JAKMIP1: variants seen among roughly 807,000 people sequenced by gnomAD.
The protein encoded by JAKMIP1 is janus kinase and microtubule interacting protein 1, also known as janus kinase and microtubule-interacting protein 1.
JAKMIP1 carries 33 observed loss-of-function variants against 113.0 expected under a neutral mutation model. The ratio of observed to expected loss-of-function variants is 0.29; its 90% confidence interval spans 0.22 to 0.39. The LOEUF (loss-of-function observed/expected upper bound fraction) is 0.39, where lower values mean the gene tolerates loss of function less well. Among genes scored for constraint, JAKMIP1 ranks in the 10% least tolerant of loss-of-function variants. The pLI is 1.00. For missense variants in JAKMIP1, 813 were observed against 1,080.5 expected, an observed-to-expected ratio of 0.75 and a Z score of 3.47; for synonymous variants, 480 against 459.9, an observed-to-expected ratio of 1.04 and a Z score of -0.56.
At chr4:6,091,668 C>G (rs1386178239) in intron 3 of JAKMIP1, among the ~76,000 whole-genome samples, 6 of 152,310 alleles carry the variant, frequency 3.9e-5, no homozygotes, top group East Asian at 3.9e-4. Context: ...AACACAAACC[C>G]ATGAACATAC....
chr4:6,060,325 C>T (rs1717083038), intron 11 of JAKMIP1, 99 bp downstream of exon 11: 2 of 882,546 alleles, frequency 2.3e-6, no homozygotes, highest in African/African-American at 1.6e-5. Context: ...CTGATCCAGC[C>T]CCACAGAATG....
chr4:6,172,775 A>T lies in JAKMIP1; in HGVS notation c.-148+27478T>A, dbSNP rs2109025807. On this transcript the variant is annotated intron_variant, in intron 1 of 20. Transcript: ENST00000409021. ...AGCTCATGTGGCATCCTTGCCCAAGATGCCCCACCCTGCCCAAGATGCCCC... is the reference window on the plus strand; with the variant it reads ...AGCTCATGTGGCATCCTTGCCCAAGTTGCCCCACCCTGCCCAAGATGCCCC... Among the ~76,000 whole-genome samples the T allele has an allele frequency of 1.3e-5, 2 of 152,210 alleles. 1 individual carries two copies. Among genetic ancestry groups the T allele is most frequent in the Middle Eastern group, 6.9e-3 (2 of 290 alleles).
Position 6,190,310 on chromosome 4 carries a change from A to G in JAKMIP1, c.-148+9943T>C, listed in dbSNP as rs189963760. Among the ~76,000 whole-genome samples the G allele has an allele frequency of 3.2e-4, 48 of 152,268 alleles. No individual in the cohort carries two copies. The East Asian group carries it at 8.7e-3, about 28-fold the overall frequency. On this transcript the variant is annotated intron_variant, in intron 1 of 20. Coordinates refer to ENST00000409021, the MANE Select transcript of JAKMIP1 (RefSeq NM_001099433.2). ...GCAGATTAACATATCTCTATCTAAC[A>G]TAGTTACACATGTTTTGTTGCAAGA...
intron 8 of JAKMIP1, among the ~76,000 whole-genome samples, chr4:6,074,637 T>C (rs959639002): frequency 2.6e-5 from 4 of 152,196 alleles, no homozygotes; most frequent in Non-Finnish European, 5.9e-5. Context: ...TGCTTGCATA[T>C]AACCTACGCA....
intron 1 of JAKMIP1, among the ~76,000 whole-genome samples, chr4:6,149,369 G>A (rs1489499705): frequency 1.3e-5 from 2 of 152,128 alleles, no homozygotes; most frequent in Non-Finnish European, 2.9e-5. Flanking sequence ...GAACTGCTTG[G>A]CCCAGGCCCA....
rs1158921046 is a variant in JAKMIP1 at position 6,078,825 on chromosome 4, T to C, written c.1302+114A>G. ...CTTTTCATCATCAGGCATGCAGAGA[T>C]GTGTGTGTCTGCTTCAGGACCCCTC... On this transcript the variant is annotated intron_variant, in intron 8 of 20. Coordinates refer to ENST00000409021, the MANE Select transcript of JAKMIP1 (RefSeq NM_001099433.2). 5.6e-6 allele frequency: 5 copies of C among 894,424 alleles called. No individual in the cohort carries two copies. The Admixed American group carries it at 9.5e-5, about 17-fold the overall frequency. 55.4% of individuals were successfully genotyped at this position (894,424 alleles called of 1,614,324 possible).
At chr4:6,110,350 A>G (rs1467156191) in intron 2 of JAKMIP1, among the ~76,000 whole-genome samples, 1 of 152,036 alleles carries the variant, frequency 6.6e-6, no homozygotes, top group Admixed American at 6.6e-5. Flanking sequence ...GAAGGAGCCA[A>G]TCCTGACACC....
At chr4:6,074,040 A>G (rs1578159242) in intron 8 of JAKMIP1, among the ~76,000 whole-genome samples, 1 of 152,258 alleles carries the variant, frequency 6.6e-6, no homozygotes, top group Admixed American at 6.5e-5. Context: ...TTCTCCTCCA[A>G]CCTCTCCTTT....
At chr4:6,195,616 C>T (rs1727751684) in intron 1 of JAKMIP1, among the ~76,000 whole-genome samples, 1 of 152,180 alleles carries the variant, frequency 6.6e-6, no homozygotes, top group Admixed American at 6.5e-5. Context: ...ACATGGGCTT[C>T]TTGGCTTCAA....
chr4:6,126,860 T>C (rs1408700875), intron 1 of JAKMIP1, among the ~76,000 whole-genome samples: 1 of 150,708 alleles, frequency 6.6e-6, no homozygotes, highest in African/African-American at 2.4e-5. Context: ...ATATGCATCA[T>C]ACAGAAACCC....
chr4:6,116,567 G>A lies in JAKMIP1; in HGVS notation c.-147-3570C>T, dbSNP rs1468835465. On this transcript the variant is annotated intron_variant, in intron 1 of 20. Transcript: ENST00000409021. This position sits in a 1 kb window ranked among gnomAD's most constrained non-coding sequence, Gnocchi z 5.1. ...CAAGGTTGGCAAATATTCATCTCCC[G>A]CAAACCAGTCCTGTTGGCCCCAGAA... Among the ~76,000 whole-genome samples, 28 of 152,236 alleles carry A rather than the reference G, an allele frequency of 1.8e-4. No individual in the cohort carries two copies. Among genetic ancestry groups the A allele is most frequent in the African/African-American group, 4.8e-5 (2 of 41,522 alleles).
chr4:6,095,351 A>C (rs1020380293), intron 3 of JAKMIP1, among the ~76,000 whole-genome samples: 1 of 152,010 alleles, frequency 6.6e-6, no homozygotes, highest in African/African-American at 2.4e-5. Context: ...AAAGGAAGGG[A>C]GGAAGAAAGG....
intron 4 of JAKMIP1, 27 bp downstream of exon 4, chr4:6,085,393 A>G (rs1244803859): frequency 6.2e-7 from 1 of 1,605,200 alleles, no homozygotes; most frequent in Admixed American, 1.7e-5. Flanking sequence ...GACCAGCCTG[A>G]GGCTGGCACA....
At position 6,042,761 on chromosome 4, in the gene JAKMIP1, C is replaced by T. The variant is rs530183120; in HGVS notation, c.2029-534G>A. On this transcript the variant is annotated intron_variant, in intron 16 of 20. Coordinates refer to ENST00000409021, the MANE Select transcript of JAKMIP1 (RefSeq NM_001099433.2). The surrounding 1 kb of genome is among the most constrained non-coding windows in gnomAD (Gnocchi z 5.2). ...GCCACTGCCCTCATCCCTCCAGCAA[C>T]GTGAGTTGGAGCAGCCCAGAGTGCC... 1.3e-4 allele frequency among the ~76,000 whole-genome samples: 20 copies of T among 152,172 alleles called. No individual in the cohort carries two copies. The highest frequency in any genetic ancestry group is 1.0e-3 in the South Asian group (5 of 4,804).
At chr4:6,175,010 T>C (rs1387088007) in intron 1 of JAKMIP1, among the ~76,000 whole-genome samples, 1 of 152,142 alleles carries the variant, frequency 6.6e-6, no homozygotes, top group Non-Finnish European at 1.5e-5. Flanking sequence ...ATCCACAGGC[T>C]ATCCTCGGTT....
intron 5 of JAKMIP1, among the ~76,000 whole-genome samples, chr4:6,082,184 C>G (rs1720670110): frequency 1.3e-5 from 2 of 152,020 alleles, no homozygotes; most frequent in African/African-American, 4.8e-5. Flanking sequence ...AAGAAAGTGC[C>G]AAGAATGCTT....
At position 6,080,850 on chromosome 4, in the gene JAKMIP1, A is replaced by G. The variant is rs948981464; in HGVS notation, c.1102-538T>C. The stretch of plus-strand genomic sequence containing the variant: ...ACAGGGCAGACCAAAGCCAAGCCCA[A>G]GGTGGGGCTGACCATGCACACTGCT... On this transcript the variant is annotated intron_variant, in intron 6 of 20. Transcript: ENST00000409021. This position sits in a 1 kb window ranked among gnomAD's most constrained non-coding sequence, Gnocchi z 6.0. Among the ~76,000 whole-genome samples, 2 of 152,118 alleles carry G rather than the reference A, an allele frequency of 1.3e-5. No individual in the cohort carries two copies. Among genetic ancestry groups the G allele is most frequent in the African/African-American group, 4.8e-5 (2 of 41,416 alleles).
At chr4:6,078,036 G>A (rs926954280) in intron 8 of JAKMIP1, among the ~76,000 whole-genome samples, 6 of 152,058 alleles carry the variant, frequency 3.9e-5, no homozygotes, top group Non-Finnish European at 1.5e-5. Context: ...CCTTATAGAT[G>A]AGAAATATTT....
At chr4:6,149,781 G>A (rs957741864) in intron 1 of JAKMIP1, among the ~76,000 whole-genome samples, 9 of 151,988 alleles carry the variant, frequency 5.9e-5, no homozygotes, top group African/African-American at 1.7e-4. Context: ...ACCGGGCTGG[G>A]GAAGATGAGG....
Sources: gnomAD v4.1 joint callset for allele counts (sites outside exome capture counted in the v4.1 genomes callset) on GRCh38, gnomAD v4.1.1 for gene constraint, Gnocchi (gnomAD v3.1) non-coding constraint, MANE v1.5 for transcripts, NCBI Gene and HGNC (gene_info 2026-07-23, HGNC 2026-07-21) for gene names.